The following TGFBR3 variants were observed in gnomAD, a reference collection of about 807,000 sequenced individuals.
The protein encoded by TGFBR3 is transforming growth factor beta receptor type 3.
In TGFBR3, 46 loss-of-function variants were observed where a neutral mutation model predicts 87.9. That is an observed-to-expected ratio of 0.52 (90% CI 0.41 to 0.67). The LOEUF is 0.67. Among genes scored for constraint, TGFBR3 ranks in the 30% least tolerant of loss-of-function variants. TGFBR3 has a pLI of 0.00. For missense variants in TGFBR3, 866 were observed against 1,041.9 expected (o/e 0.83, Z 2.32); for synonymous variants, 381 against 391.6 (o/e 0.97, Z 0.32).
intron 3 of TGFBR3, among the ~76,000 whole-genome samples, chr1:91,775,940 G>A (rs1181252574): frequency 6.6e-6 from 1 of 152,168 alleles, no homozygotes; most frequent in Non-Finnish European, 1.5e-5. Context: ...CTGTTTCCAA[G>A]CTATTCAGCA....
chr1:91,884,753 T>C (rs1459098706), intron 1 of TGFBR3, among the ~76,000 whole-genome samples: 3 of 152,272 alleles, frequency 2.0e-5, no homozygotes, highest in Non-Finnish European at 4.4e-5. Context: ...ACGTTAGCTG[T>C]TATTATTATC....
intron 15 of TGFBR3, among the ~76,000 whole-genome samples, chr1:91,697,633 C>T (rs928769847): frequency 7.2e-5 from 11 of 152,178 alleles, no homozygotes; most frequent in African/African-American, 2.7e-4. Context: ...TTCCTGGGGC[C>T]CCCAGCCCTT....
chr1:91,815,597 C>T (rs1644994467), intron 2 of TGFBR3, among the ~76,000 whole-genome samples: 1 of 152,124 alleles, frequency 6.6e-6, no homozygotes, highest in South Asian at 2.1e-4. Flanking sequence ...ACCTAGAAGG[C>T]CTGGGTTCCA....
At chr1:91,831,043 A>G (rs1157370423) in intron 2 of TGFBR3, among the ~76,000 whole-genome samples, 3 of 151,844 alleles carry the variant, frequency 2.0e-5, no homozygotes, top group Non-Finnish European at 2.9e-5. Context: ...TTGTGTTTCC[A>G]CCTCCCCAAG....
upstream of TGFBR3, chr1:91,886,429 C>A (rs968392710): frequency 4.3e-5 from 14 of 323,632 alleles, no homozygotes; most frequent in Admixed American, 5.9e-4. Flanking sequence ...GGGCTAGGGG[C>A]GCGGCCGGGC....
rs56158224 is a variant in TGFBR3 at position 91,729,033 on chromosome 1, TACACACACACACACACACACAC to T, written c.737+750_737+771del. Reference sequence around the variant, plus strand: ...GTCACCATGAAGGGCCACTCCAGCATACACACACACACACACACACACACACACACACACACACACACACCAA... The same window carrying T: ...GTCACCATGAAGGGCCACTCCAGCATACACACACACACACACACACACCAA... On this transcript the variant is annotated intron_variant, in intron 6 of 16. Transcript: ENST00000212355. Among the ~76,000 whole-genome samples, 120 of 89,650 alleles carry T rather than the reference TACACACACACACACACACACAC, an allele frequency of 1.3e-3. 1 individual carries two copies. Among genetic ancestry groups the T allele is most frequent in the Admixed American group, 3.1e-3 (25 of 8,162 alleles). 58.8% of individuals were successfully genotyped at this position (89,650 alleles called of 152,430 possible).
intron 2 of TGFBR3, among the ~76,000 whole-genome samples, chr1:91,836,420 CAG>C (rs995373489): frequency 5.9e-5 from 4 of 68,118 alleles, no homozygotes; most frequent in Non-Finnish European, 1.1e-4. Flanking sequence ...CTCCATTTTA[CAG>C]AGGAGTACAC....
At chr1:91,838,508 G>C (rs1677144242) in intron 2 of TGFBR3, among the ~76,000 whole-genome samples, 1 of 149,788 alleles carries the variant, frequency 6.7e-6, no homozygotes, top group Non-Finnish European at 1.5e-5. Context: ...GCCCAGGCTG[G>C]AGTGCAGTGG....
chr1:91,819,502 G>A (rs2101056953), intron 2 of TGFBR3, among the ~76,000 whole-genome samples: 1 of 152,324 alleles, frequency 6.6e-6, no homozygotes, highest in African/African-American at 2.4e-5. Context: ...AGAGGAAGCT[G>A]AGACAATTCA....
At chr1:91,758,400 C>T (rs1033653093) in intron 4 of TGFBR3, among the ~76,000 whole-genome samples, 2 of 152,198 alleles carry the variant, frequency 1.3e-5, no homozygotes, top group Non-Finnish European at 2.9e-5. Context: ...ACCCCAGCCT[C>T]TGCCCACAGA....
At chr1:91,718,997 C>A (rs944299531) in intron 10 of TGFBR3, among the ~76,000 whole-genome samples, 3 of 152,156 alleles carry the variant, frequency 2.0e-5, no homozygotes, top group Non-Finnish European at 2.9e-5. Flanking sequence ...AAAATTTTAT[C>A]CTTATAAGGG....
intron 3 of TGFBR3, among the ~76,000 whole-genome samples, chr1:91,763,607 C>G (rs1674056939): frequency 6.6e-6 from 1 of 152,170 alleles, no homozygotes. Context: ...AGGAGACATC[C>G]CACTTGGCAA....
intron 3 of TGFBR3, among the ~76,000 whole-genome samples, chr1:91,785,189 C>A (rs1348093581): frequency 6.6e-6 from 1 of 152,224 alleles, no homozygotes; most frequent in African/African-American, 2.4e-5. Flanking sequence ...CATCGAGGAA[C>A]CTCAAGTGCT....
intron 4 of TGFBR3, among the ~76,000 whole-genome samples, chr1:91,750,769 G>A (rs1362257773): frequency 1.3e-5 from 2 of 152,184 alleles, no homozygotes; most frequent in African/African-American, 4.8e-5. Context: ...TAATGCTTCT[G>A]GCCGAGCCAA....
At chr1:91,869,944 C>T (rs1397487250) in intron 1 of TGFBR3, among the ~76,000 whole-genome samples, 1 of 152,144 alleles carries the variant, frequency 6.6e-6, no homozygotes, top group African/African-American at 2.4e-5. Context: ...ACTTCAAACA[C>T]ACTTGTGGAA....
At chr1:91,897,166 T>C (rs543828352) in intron 2 of TGFBR3, among the ~76,000 whole-genome samples, 1 of 152,332 alleles carries the variant, frequency 6.6e-6, no homozygotes, top group Admixed American at 6.5e-5. Context: ...GAGGAGATTA[T>C]AATGGTCTTT....
At chr1:91,702,864 G>A (rs1183181630) in intron 14 of TGFBR3, among the ~76,000 whole-genome samples, 1 of 152,138 alleles carries the variant, frequency 6.6e-6, no homozygotes, top group Non-Finnish European at 1.5e-5. Flanking sequence ...GGCCAACATG[G>A]TGAAACCCTG....
chr1:91,845,525 A>T (rs1677436103), intron 2 of TGFBR3, among the ~76,000 whole-genome samples: 1 of 152,210 alleles, frequency 6.6e-6, no homozygotes, highest in South Asian at 2.1e-4. Context: ...CAAAAGCCTC[A>T]AATCTCTCTC....
intron 1 of TGFBR3, among the ~76,000 whole-genome samples, chr1:91,875,938 AAG>A (rs1203606400): frequency 2.3e-3 from 347 of 151,862 alleles, no homozygotes; most frequent in Admixed American, 5.4e-3. Flanking sequence ...AAGAAAGAAA[AAG>A]AAACAAAATG....
Sources: allele counts gnomAD v4.1 joint callset (sites outside exome capture counted in the v4.1 genomes callset), GRCh38; gene constraint gnomAD v4.1.1; transcripts MANE v1.5; gene names NCBI Gene and HGNC (gene_info 2026-07-23, HGNC 2026-07-21).